The following SLC17A6 variants were observed in gnomAD, a reference collection of about 807,000 sequenced individuals.
SLC17A6 encodes the protein vesicular glutamate transporter 2.
In SLC17A6, 35 loss-of-function variants were observed where a neutral mutation model predicts 67.1. The ratio of observed to expected loss-of-function variants is 0.52; its 90% CI spans 0.40 to 0.69. The LOEUF (loss-of-function observed/expected upper bound fraction) is 0.69. SLC17A6 is among the 30% of genes least tolerant of loss of function. The pLI is 0.00. For synonymous variants in SLC17A6, 285 were observed against 252.3 expected (o/e 1.13, Z -1.23); for missense variants, 588 against 723.9 (o/e 0.81, Z 2.15).
chr11:22,369,976 T>G (rs1856157414), intron 7 of SLC17A6, 63 bp from the exon 8 acceptor site: 20 of 1,507,776 alleles, frequency 1.3e-5, no homozygotes, highest in South Asian at 1.1e-4. Context: ...AAGCACCTAT[T>G]ATTCCCACTT....
intron 1 of SLC17A6, 144 bp from the exon 2 acceptor site, chr11:22,341,384 C>T: frequency 8.2e-7 from 1 of 1,224,572 alleles, no homozygotes; most frequent in South Asian, 1.5e-5. Flanking sequence ...AGCTTGGTGT[C>T]ACCCCACCAC....
At chr11:22,361,976 G>A (rs929155122) in intron 5 of SLC17A6, among the ~76,000 whole-genome samples, 1 of 151,852 alleles carries the variant, frequency 6.6e-6, no homozygotes, top group African/African-American at 2.4e-5. Flanking sequence ...ATGCATTTGA[G>A]TCTAAATCAC....
At chr11:22,364,292 A>C (rs1359690585) in intron 6 of SLC17A6, among the ~76,000 whole-genome samples, 3 of 152,154 alleles carry the variant, frequency 2.0e-5, no homozygotes, top group African/African-American at 7.2e-5. Flanking sequence ...AATGATAATT[A>C]TTATAAAATT....
In SLC17A6 at chr11:22,341,411, G is replaced by A. The variant is rs1320885143; in HGVS notation, c.87-117G>A. 6 of 1,418,440 alleles carry A rather than the reference G, an allele frequency of 4.2e-6. No individual in the cohort carries two copies. In the East Asian group the frequency reaches 1.2e-4, roughly 27 times the overall value. The allele number at this position is 1,418,440 out of a possible 1,614,324, so 87.9% of individuals were successfully genotyped here. On this transcript the variant is annotated intron_variant, in intron 1 of 11. Transcript: ENST00000263160. ...CCCCACCACCCTAATCCCCGAGGGTGGGGGGAGGTCGACGGCCCTCCTCCC... is the reference window on the plus strand; with the variant it reads ...CCCCACCACCCTAATCCCCGAGGGTAGGGGGAGGTCGACGGCCCTCCTCCC...
Position 22,358,643 on chromosome 11 carries a change from T to C in SLC17A6, c.459-770T>C, listed in dbSNP as rs371831990. Among the ~76,000 whole-genome samples the C allele has an allele frequency of 4.1e-4, 62 of 152,246 alleles. No individual in the cohort carries two copies. In the South Asian group the frequency reaches 0.012, roughly 29 times the overall value. On this transcript the variant is annotated intron_variant, in intron 3 of 11. Transcript: ENST00000263160. ...GCCACTGCACCCGACCAGAAGATTT[T>C]TTTTTCTTTTTTTAACGAAGGAATG... is the stretch of plus-strand genomic sequence containing the variant.
intron 5 of SLC17A6, among the ~76,000 whole-genome samples, chr11:22,361,714 A>G (rs1167602556): frequency 6.6e-6 from 1 of 151,890 alleles, no homozygotes; most frequent in Non-Finnish European, 1.5e-5. Context: ...ATCTGAAGCT[A>G]CTTTTTGTTT....
At chr11:22,367,115 G>A (rs2133873929) in intron 7 of SLC17A6, among the ~76,000 whole-genome samples, 1 of 151,650 alleles carries the variant, frequency 6.6e-6, no homozygotes, top group South Asian at 2.1e-4. Context: ...GCTAAGAGCT[G>A]AAAGGTGTCA....
At position 22,348,975 on chromosome 11, in the gene SLC17A6, C is replaced by T. The variant is rs185498260; in HGVS notation, c.458+5610C>T. ...AGAGAGATGCAACAGTAAAGATGTG[C>T]TTTTATTTATTTGTTGGAATAAGCA... On this transcript the variant is annotated intron_variant, in intron 3 of 11. Transcript: ENST00000263160. 5.3e-5 allele frequency among the ~76,000 whole-genome samples: 8 copies of T among 152,144 alleles called. No homozygotes were observed. In the East Asian group the frequency reaches 7.7e-4, roughly 15 times the overall value.
intron 7 of SLC17A6, among the ~76,000 whole-genome samples, chr11:22,366,518 T>G (rs1486758254): frequency 6.6e-6 from 1 of 152,240 alleles, no homozygotes; most frequent in Non-Finnish European, 1.5e-5. Context: ...ATTATTACTA[T>G]GAATATCAAG....
At chr11:22,343,686 G>A (rs571031466) in intron 3 of SLC17A6, among the ~76,000 whole-genome samples, 1 of 152,254 alleles carries the variant, frequency 6.6e-6, no homozygotes, top group Admixed American at 6.5e-5. Context: ...AGGCAGAGCA[G>A]GGACAGTGCG....
At chr11:22,351,918 A>G (rs1002335489) in intron 3 of SLC17A6, among the ~76,000 whole-genome samples, 3 of 150,378 alleles carry the variant, frequency 2.0e-5, no homozygotes, top group Non-Finnish European at 4.4e-5. Context: ...GTTTCTTGTT[A>G]TATAATCTAT....
intron 3 of SLC17A6, among the ~76,000 whole-genome samples, chr11:22,346,316 G>T (rs1855875185): frequency 6.6e-6 from 1 of 152,198 alleles, no homozygotes; most frequent in Middle Eastern, 3.4e-3. Flanking sequence ...CAATTATTTG[G>T]CTTCTTCAGT....
At chr11:22,367,180 A>G (rs1304567954) in intron 7 of SLC17A6, among the ~76,000 whole-genome samples, 1 of 151,994 alleles carries the variant, frequency 6.6e-6, no homozygotes, top group Non-Finnish European at 1.5e-5. Flanking sequence ...TTCTTTTAAA[A>G]CAAACACCTC....
Position 22,375,984 on chromosome 11 carries a change from T to C in SLC17A6, c.1177T>C (p.Phe393Leu). 1 of 1,600,300 alleles carries C rather than the reference T, an allele frequency of 6.2e-7. No homozygotes were observed. The highest frequency in any genetic ancestry group is 8.5e-7 in the Non-Finnish European group (1 of 1,172,880). The change falls in exon 10 of 12, where the codon TTT becomes CTT. Residue 393 changes from phenylalanine to leucine, a missense_variant and splice_region_variant. Around this residue, in one of 4 missense-constraint regions of SLC17A6, gnomAD observed 414 missense variants for 563.4 expected, o/e 0.73. Transcript: ENST00000263160. ...TVRKIMNCGGFGMEATLLLVV... is the reference protein window; with the variant it reads ...TVRKIMNCGGLGMEATLLLVV... ...TTTCTATGTGTTTGCTTCTGAAGGT[T>C]TTGGCATGGAAGCCACACTGCTCCT...
chr11:22,343,212 CTT>C (rs779553387), intron 2 of SLC17A6, 33 bp from the exon 3 acceptor site: 5 of 1,562,006 alleles, frequency 3.2e-6, no homozygotes, highest in Non-Finnish European at 4.4e-6. Flanking sequence ...TGACTCTACT[CTT>C]TCCCTTCACA....
chr11:22,355,360 C>T (rs943284020), intron 3 of SLC17A6, among the ~76,000 whole-genome samples: 1 of 152,098 alleles, frequency 6.6e-6, no homozygotes, highest in Non-Finnish European at 1.5e-5. Flanking sequence ...ACAAAAATTA[C>T]TGTAGCATTA....
intron 9 of SLC17A6, among the ~76,000 whole-genome samples, chr11:22,375,393 AT>A (rs1403073740): frequency 7.2e-5 from 11 of 152,086 alleles, no homozygotes; most frequent in East Asian, 1.9e-4. Flanking sequence ...AATAAAAAAA[AT>A]AAATAATAAT....
chr11:22,351,914 T>C lies in SLC17A6; in HGVS notation c.459-7499T>C, dbSNP rs569140240. On this transcript the variant is annotated intron_variant, in intron 3 of 11. Transcript: ENST00000263160. Reference sequence around the variant, plus strand: ...ACTCACATGAACATTAAATGTTTCTTGTTATATAATCTATTTCCTTCTGTC... The same window carrying C: ...ACTCACATGAACATTAAATGTTTCTCGTTATATAATCTATTTCCTTCTGTC... Among the ~76,000 whole-genome samples, 202 of 150,240 alleles carry C rather than the reference T, an allele frequency of 1.3e-3. 2 individuals are homozygous for C. Among genetic ancestry groups the C allele is most frequent in the African/African-American group, 4.4e-3 (183 of 41,276 alleles).
intron 3 of SLC17A6, among the ~76,000 whole-genome samples, chr11:22,349,640 A>G (rs897489385): frequency 1.3e-4 from 20 of 152,298 alleles, no homozygotes; most frequent in Admixed American, 1.2e-3. Flanking sequence ...GGAGAGAGTC[A>G]TGTGGGCAGC....
Sources: gnomAD v4.1 joint callset for allele counts (sites outside exome capture counted in the v4.1 genomes callset) on GRCh38, gnomAD v4.1.1 for gene constraint, gnomAD v4.1.1 regional missense constraint, MANE v1.5 for transcripts, NCBI Gene and HGNC (gene_info 2026-07-23, HGNC 2026-07-21) for gene names.